The following SLIT1 variants were observed in gnomAD, a reference collection of about 807,000 sequenced individuals.
SLIT1 encodes slit guidance ligand 1.
A neutral mutation model predicts 186.1 loss-of-function variants in SLIT1; 66 were observed. The ratio of observed to expected loss-of-function variants is 0.35; its 90% CI spans 0.29 to 0.44. SLIT1 has a LOEUF of 0.44. SLIT1 is among the 20% of genes least tolerant of loss of function. SLIT1 has a pLI of 1.00. For missense variants in SLIT1, 1,638 were observed against 2,037.4 expected, an observed-to-expected ratio of 0.80 and a Z score of 3.77; for synonymous variants, 761 against 833.8, an observed-to-expected ratio of 0.91 and a Z score of 1.50.
chr10:97,031,336 A>G (rs546790043), intron 24 of SLIT1, among the ~76,000 whole-genome samples: 1 of 152,308 alleles, frequency 6.6e-6, no homozygotes, highest in African/African-American at 2.4e-5. Context: ...TCACATGCAA[A>G]TGAAGGGCCA....
At position 97,096,623 on chromosome 10, in the gene SLIT1, A is replaced by T. The variant is rs576999106; in HGVS notation, c.414-30537T>A. Among the ~76,000 whole-genome samples the T allele has an allele frequency of 5.3e-5, 8 of 151,110 alleles. No homozygotes were observed. In the South Asian group the frequency reaches 1.7e-3, roughly 32 times the overall value. Reference sequence around the variant, plus strand: ...GAAATGTCAGCGGCTCCTCACTCCCACCTCTTGCAGGGCTGCTTCGCCACC... The same window carrying T: ...GAAATGTCAGCGGCTCCTCACTCCCTCCTCTTGCAGGGCTGCTTCGCCACC... On this transcript the variant is annotated intron_variant, in intron 4 of 36. Transcript: ENST00000266058.
intron 4 of SLIT1, among the ~76,000 whole-genome samples, chr10:97,127,517 C>T (rs377592574): frequency 1.3e-5 from 2 of 152,160 alleles, no homozygotes; most frequent in African/African-American, 4.8e-5. Flanking sequence ...TGAACAGTGC[C>T]GGGTCACTCA....
intron 10 of SLIT1, 49 bp from the exon 11 acceptor site, chr10:97,059,580 A>T (rs779069700): frequency 6.9e-7 from 1 of 1,439,736 alleles, no homozygotes; most frequent in Admixed American, 1.7e-5. Flanking sequence ...CTCAACAGCC[A>T]CTAAGCCCTG....
At chr10:97,087,068 T>C (rs1849167849) in intron 4 of SLIT1, among the ~76,000 whole-genome samples, 1 of 149,456 alleles carries the variant, frequency 6.7e-6, no homozygotes, top group Admixed American at 6.8e-5. Context: ...AACCTAAAAC[T>C]GCTCTAAAAA....
chr10:97,058,070 C>T, intron 11 of SLIT1: 1 of 717,422 alleles, frequency 1.4e-6, no homozygotes, highest in Non-Finnish European at 2.6e-6. Flanking sequence ...GCTGTGTGTG[C>T]CTGTCGTGTG....
At position 97,021,814 on chromosome 10, in the gene SLIT1, C is replaced by T. The variant is rs549446759; in HGVS notation, c.2583-401G>A. ...CTAAACTCAGGTTATCCACTCACCT[C>T]AGCCTCCCAAAGTGCTGGGATTACA... On this transcript the variant is annotated intron_variant, in intron 25 of 36. Coordinates refer to ENST00000266058, the MANE Select transcript of SLIT1 (RefSeq NM_003061.3). This position sits in a 1 kb window ranked among gnomAD's most constrained non-coding sequence, Gnocchi z 4.5. Among the ~76,000 whole-genome samples the T allele has an allele frequency of 6.6e-6, 1 of 152,332 alleles. No homozygotes were observed. Among genetic ancestry groups the T allele is most frequent in the African/African-American group, 2.4e-5 (1 of 41,576 alleles).
intron 4 of SLIT1, among the ~76,000 whole-genome samples, chr10:97,098,497 G>A (rs1849315280): frequency 6.6e-6 from 1 of 152,216 alleles, no homozygotes; most frequent in Non-Finnish European, 1.5e-5. Flanking sequence ...TAGGTGAGCA[G>A]AGGCAGGAAG....
At chr10:97,045,162 T>C (rs1353290986) in intron 18 of SLIT1, among the ~76,000 whole-genome samples, 1 of 151,722 alleles carries the variant, frequency 6.6e-6, no homozygotes, top group Non-Finnish European at 1.5e-5. Context: ...CTCTTTGTTA[T>C]AGCAGCCTGA....
At chr10:97,023,631 G>C (rs139106178) in intron 25 of SLIT1, among the ~76,000 whole-genome samples, 210 of 152,274 alleles carry the variant, frequency 1.4e-3, no homozygotes, top group Admixed American at 2.8e-3. Context: ...ACAAGACATG[G>C]ATTTTAGGGT....
chr10:97,026,842 G>A (rs1848550362), intron 25 of SLIT1, among the ~76,000 whole-genome samples: 1 of 151,828 alleles, frequency 6.6e-6, no homozygotes, highest in Admixed American at 6.6e-5. Context: ...ATTACAGCAT[G>A]TGTGAACCAT....
intron 4 of SLIT1, among the ~76,000 whole-genome samples, chr10:97,149,571 G>A (rs1272732603): frequency 6.6e-6 from 1 of 151,874 alleles, no homozygotes; most frequent in Non-Finnish European, 1.5e-5. Flanking sequence ...GATAAAGAGA[G>A]GTTTGATGAT....
Position 97,000,792 on chromosome 10 carries a change from A to T in SLIT1, c.*320T>A. On this transcript the variant is annotated 3_prime_UTR_variant, in exon 37 of 37. Transcript: ENST00000266058. Reference sequence around the variant, plus strand: ...CTCCAGATTCAGATAGCAGGTAAGGAGGGGTGTCATCGTTCTGCACTTCTT... The same window carrying T: ...CTCCAGATTCAGATAGCAGGTAAGGTGGGGTGTCATCGTTCTGCACTTCTT... 1 of 304,418 alleles carries T rather than the reference A, an allele frequency of 3.3e-6. No individual in the cohort carries two copies. Among genetic ancestry groups the T allele is most frequent in the Non-Finnish European group, 6.1e-6 (1 of 163,642 alleles). The allele number at this position is 304,418 out of a possible 1,614,324, so 18.9% of individuals were successfully genotyped here. A position where few individuals can be genotyped will look rare whatever the true frequency, so the allele number is the denominator to read the frequency against.
chr10:97,157,883 C>T lies in SLIT1; in HGVS notation c.348G>A (p.Leu116=), dbSNP rs750993520. Residue 116 remains leucine (L), a synonymous_variant, in exon 4 of 37, where the codon CTG becomes CTA. Transcript: ENST00000266058. ...GTAACATGTGCAGCTGGTTTCGGTT[C>T]AGTCGCCTATAAAAGAGAAGAAGAA... The part of the protein sequence containing the change: ...DDMKELERLR[L]NRNQLHMLPE... 1.2e-6 allele frequency: 2 copies of T among 1,613,376 alleles called. No homozygotes were observed. The highest frequency in any genetic ancestry group is 4.5e-5 in the East Asian group (2 of 44,890).
intron 3 of SLIT1, 64 bp downstream of exon 3, chr10:97,163,316 G>A: frequency 1.4e-6 from 2 of 1,396,634 alleles, no homozygotes; most frequent in Non-Finnish European, 2.0e-6. Flanking sequence ...GCAGCAGCTT[G>A]GCCTGCCAGT....
chr10:97,028,043 C>T (rs1564656746), intron 25 of SLIT1, among the ~76,000 whole-genome samples: 1 of 152,118 alleles, frequency 6.6e-6, no homozygotes, highest in Non-Finnish European at 1.5e-5. Flanking sequence ...GTAGCAGCAG[C>T]CCTTGGTGCC....
rs945230597 is a variant in SLIT1, at chr10:97,147,096, TA to T, written c.413+10721del. ...AAACAGTGGAATATTATCCAGCCAT[TA>T]AAAAAAAATGACATTTTGATATGTG... On this transcript the variant is annotated intron_variant, in intron 4 of 36. Transcript: ENST00000266058. Among the ~76,000 whole-genome samples, 36 of 150,392 alleles carry T rather than the reference TA, an allele frequency of 2.4e-4. No homozygotes were observed. The South Asian group carries it at 6.1e-3, about 25-fold the overall frequency.
At position 97,018,452 on chromosome 10, in the gene SLIT1, C is replaced by T. The variant is rs542725052; in HGVS notation, c.2969+134G>A. ...GGCTATGATTTGGAGTACATGCCTG[C>T]CCCCGACAGTGCGCCTCCACCTCCC... is the stretch of plus-strand genomic sequence containing the variant. On this transcript the variant is annotated intron_variant, in intron 28 of 36. Transcript: ENST00000266058. The T allele has an allele frequency of 6.5e-5, 39 of 599,860 alleles. No homozygotes were observed. The South Asian group carries it at 8.3e-4, about 13-fold the overall frequency. 37.2% of individuals were successfully genotyped at this position (599,860 alleles called of 1,614,324 possible).
In SLIT1 at chr10:97,126,199, C is replaced by T. The variant is rs139198664; in HGVS notation, c.413+31619G>A. ...ATGTGAAGGTTCTGTTTCGCTTACA[C>T]AGAAAGCACCTTGGTTGTGTGAACA... On this transcript the variant is annotated intron_variant, in intron 4 of 36. Coordinates refer to ENST00000266058, the MANE Select transcript of SLIT1 (RefSeq NM_003061.3). 7.9e-5 allele frequency among the ~76,000 whole-genome samples: 12 copies of T among 152,332 alleles called. No homozygotes were observed. The East Asian group carries it at 2.3e-3, about 29-fold the overall frequency.
In SLIT1 at chr10:97,059,529, T is replaced by C; in HGVS notation, c.1016A>G (p.Asp339Gly). ...CTCAGCGATCTGATTGTTGCTCAGG[T>C]CTCTGCAAGGTGAGCAGAAGGAGAG... ...FSPYRKLRRI[D>G]LSNNQIAEIA... The change falls in exon 11 of 37, where the codon GAC becomes GGC. Residue 339 changes from aspartate to glycine, a missense_variant and splice_region_variant. Around this residue, in one of 3 missense-constraint regions of SLIT1, gnomAD observed 1,245 missense variants for 1,535.3 expected, o/e 0.81. Transcript: ENST00000266058. 1 of 1,613,688 alleles carries C rather than the reference T, an allele frequency of 6.2e-7. No individual in the cohort carries two copies. Among genetic ancestry groups the C allele is most frequent in the Non-Finnish European group, 8.5e-7 (1 of 1,179,912 alleles).
Sources: allele counts gnomAD v4.1 joint callset (sites outside exome capture counted in the v4.1 genomes callset), GRCh38; gene constraint gnomAD v4.1.1; regional missense constraint gnomAD v4.1.1; non-coding constraint Gnocchi (gnomAD v3.1); transcripts MANE v1.5; gene names NCBI Gene and HGNC (gene_info 2026-07-23, HGNC 2026-07-21).